Variants in CMTM4 observed in about 807,000 individuals in gnomAD.
The protein encoded by CMTM4 is CKLF like MARVEL transmembrane domain containing 4.
In CMTM4, 8 loss-of-function variants were observed where a neutral mutation model predicts 19.0. The observed-to-expected ratio is 0.42, with a 90% CI of 0.25 to 0.76. The LOEUF is 0.76. Among genes scored for constraint, CMTM4 ranks in the 30% least tolerant of loss-of-function variants. CMTM4 has a pLI of 0.27. For missense variants in CMTM4, 228 were observed against 290.2 expected (o/e 0.79, Z 1.56); for synonymous variants, 106 against 121.1 (o/e 0.88, Z 0.82).
chr16:66,683,190 T>C (rs1421840714), intron 1 of CMTM4, among the ~76,000 whole-genome samples: 28 of 95,948 alleles, frequency 2.9e-4, no homozygotes, highest in African/African-American at 7.1e-4. Flanking sequence ...TGTATATATA[T>C]ATACATATAT....
At chr16:66,694,657 G>T (rs1294600830) in intron 1 of CMTM4, among the ~76,000 whole-genome samples, 3 of 145,064 alleles carry the variant, frequency 2.1e-5, no homozygotes, top group Non-Finnish European at 3.0e-5. Flanking sequence ...AGGTGGCAGT[G>T]AGCCAAGATT....
intron 1 of CMTM4, among the ~76,000 whole-genome samples, chr16:66,677,360 G>A (rs1337735534): frequency 6.6e-6 from 1 of 152,264 alleles, no homozygotes; most frequent in Non-Finnish European, 1.5e-5. Context: ...CTGGCCCACT[G>A]ACTTCTGGGG....
chr16:66,677,802 A>G (rs2144895402), intron 1 of CMTM4, among the ~76,000 whole-genome samples: 1 of 152,168 alleles, frequency 6.6e-6, no homozygotes, highest in Admixed American at 6.5e-5. Flanking sequence ...ACTGGGTTCA[A>G]GTGATTCTCC....
Position 66,617,726 on chromosome 16 carries a change from G to C in CMTM4, c.*4332C>G. On this transcript the variant is annotated 3_prime_UTR_variant, in exon 4 of 4. Transcript: ENST00000394106. ...GCCAGGGAAGTTTACAAAGCTAAAAGCTGAGGGTGTCAGGCCTGCGTCCTG... is the reference window on the plus strand; with the variant it reads ...GCCAGGGAAGTTTACAAAGCTAAAACCTGAGGGTGTCAGGCCTGCGTCCTG... 9.6e-7 allele frequency: 1 copy of C among 1,038,026 alleles called. No individual in the cohort carries two copies. The highest frequency in any genetic ancestry group is 1.2e-6 in the Non-Finnish European group (1 of 862,850). 64.3% of individuals were successfully genotyped at this position (1,038,026 alleles called of 1,614,324 possible).
intron 1 of CMTM4, among the ~76,000 whole-genome samples, chr16:66,659,109 G>C (rs2016455258): frequency 6.6e-6 from 1 of 152,160 alleles, no homozygotes; most frequent in Non-Finnish European, 1.5e-5. Flanking sequence ...GCTGGGCGTG[G>C]TGGCTCACAC....
intron 1 of CMTM4, among the ~76,000 whole-genome samples, chr16:66,638,692 C>T (rs1312224522): frequency 6.6e-6 from 1 of 152,030 alleles, no homozygotes; most frequent in East Asian, 1.9e-4. Context: ...AACCCCGTCT[C>T]TACTAAAAAT....
the CMTM4 span, among the ~76,000 whole-genome samples, chr16:66,603,313 A>T: frequency 6.6e-6 from 1 of 151,534 alleles, no homozygotes; most frequent in South Asian, 2.1e-4. Flanking sequence ...TTTGAGACAG[A>T]GTCTTGCTCT....
In CMTM4 at chr16:66,653,042, C is replaced by A. The variant is rs2016339771; in HGVS notation, c.187-16461G>T. On this transcript the variant is annotated intron_variant, in intron 1 of 3. Transcript: ENST00000394106. Reference sequence around the variant, plus strand: ...TGCTGCCATTAGGATCTTCTTTTCCCCTTTACTTTCTCATGGTCCTAGCTT... The same window carrying A: ...TGCTGCCATTAGGATCTTCTTTTCCACTTTACTTTCTCATGGTCCTAGCTT... Among the ~76,000 whole-genome samples the A allele has an allele frequency of 2.0e-5, 3 of 152,144 alleles. No homozygotes were observed. The South Asian group carries it at 6.2e-4, about 31-fold the overall frequency.
At chr16:66,600,144 TTG>T in the CMTM4 span, among the ~76,000 whole-genome samples, 29 of 145,128 alleles carry the variant, frequency 2.0e-4, no homozygotes, top group African/African-American at 5.8e-4. Flanking sequence ...GTGTTTTTTT[TTG>T]TTTTTTTTTT....
At position 66,620,018 on chromosome 16, in the gene CMTM4, G is replaced by A. The variant is rs549529345; in HGVS notation, c.*2040C>T. On this transcript the variant is annotated 3_prime_UTR_variant, in exon 4 of 4. Coordinates refer to ENST00000394106, the MANE Select transcript of CMTM4 (RefSeq NM_181521.3). The stretch of plus-strand genomic sequence containing the variant: ...CCCTCTTTCACCAGATGATCAAGTG[G>A]TTTTACTGAAGTGAGCTGGGAAAAC... The A allele has an allele frequency of 2.0e-6, 2 of 985,396 alleles. No homozygotes were observed. Among genetic ancestry groups the A allele is most frequent in the South Asian group, 4.7e-5 (1 of 21,282 alleles). 61.0% of individuals were successfully genotyped at this position (985,396 alleles called of 1,614,324 possible).
chr16:66,630,915 G>A (rs1327688688), intron 2 of CMTM4, among the ~76,000 whole-genome samples: 5 of 150,032 alleles, frequency 3.3e-5, no homozygotes, highest in East Asian at 2.0e-4. Context: ...CCGCCGCCCC[G>A]TCTGGGATGT....
At chr16:66,656,650 T>G (rs1335775640) in intron 1 of CMTM4, among the ~76,000 whole-genome samples, 2 of 147,030 alleles carry the variant, frequency 1.4e-5, no homozygotes, top group South Asian at 4.3e-4. Flanking sequence ...ATTAACTACA[T>G]AGAAAAAAAA....
In CMTM4 at chr16:66,622,977, C is replaced by G. The variant is rs995422381; in HGVS notation, c.462+427G>C. Among the ~76,000 whole-genome samples the G allele has an allele frequency of 2.0e-5, 3 of 152,182 alleles. No homozygotes were observed. Among genetic ancestry groups the G allele is most frequent in the Admixed American group, 1.3e-4 (2 of 15,282 alleles). ...CCTACATTATCTGGTCCCCACCTGC[C>G]GTGGCATTTCCACCTTGAAATGTCA... On this transcript the variant is annotated intron_variant, in intron 3 of 3. Coordinates refer to ENST00000394106, the MANE Select transcript of CMTM4 (RefSeq NM_181521.3). The surrounding 1 kb of genome is among the most constrained non-coding windows in gnomAD (Gnocchi z 4.0).
chr16:66,604,491 T>C, the CMTM4 span: 2 of 230,782 alleles, frequency 8.7e-6, no homozygotes, highest in East Asian at 1.7e-4. Flanking sequence ...GGGTGGGAGC[T>C]CCGAAGGGGT....
chr16:66,639,585 A>G (rs1183098687), intron 1 of CMTM4, among the ~76,000 whole-genome samples: 2 of 152,008 alleles, frequency 1.3e-5, no homozygotes, highest in East Asian at 3.9e-4. Flanking sequence ...AAGTTTAGAC[A>G]CAGAGACCAG....
chr16:66,600,123 T>TAGGGGGG, the CMTM4 span, among the ~76,000 whole-genome samples: 1 of 145,636 alleles, frequency 6.9e-6, no homozygotes, highest in African/African-American at 2.6e-5. Flanking sequence ...TGTGTGTGTG[T>TAGGGGGG]GTGTGTGTGT....
In CMTM4 at chr16:66,616,222, G is replaced by A. The variant is rs747568806; in HGVS notation, c.*5836C>T. 1.3e-5 allele frequency: 2 copies of A among 151,996 alleles called. No homozygotes were observed. The highest frequency in any genetic ancestry group is 2.4e-5 in the African/African-American group (1 of 41,374). The allele number at this position is 151,996 out of a possible 1,614,324, so 9.4% of individuals were successfully genotyped here. On this transcript the variant is annotated 3_prime_UTR_variant, in exon 4 of 4. Coordinates refer to ENST00000394106, the MANE Select transcript of CMTM4 (RefSeq NM_181521.3). Reference sequence around the variant, plus strand: ...TGATTGACAAGAGTGCTTATGCGACGCATGGAAGGCACCAGAGGTGAAGTG... The same window carrying A: ...TGATTGACAAGAGTGCTTATGCGACACATGGAAGGCACCAGAGGTGAAGTG...
intron 1 of CMTM4, among the ~76,000 whole-genome samples, chr16:66,671,580 G>A (rs978508880): frequency 2.0e-5 from 3 of 152,088 alleles, no homozygotes; most frequent in African/African-American, 2.4e-5. Context: ...AACCTCCAAG[G>A]AAAGTGACTC....
chr16:66,631,369 G>A (rs867911270), intron 2 of CMTM4, among the ~76,000 whole-genome samples: 11 of 149,140 alleles, frequency 7.4e-5, no homozygotes, highest in Non-Finnish European at 1.0e-4. Context: ...GCCTCTGCCC[G>A]GCCGCCCCTA....
Sources: gnomAD v4.1 joint callset for allele counts (sites outside exome capture counted in the v4.1 genomes callset) on GRCh38, gnomAD v4.1.1 for gene constraint, Gnocchi (gnomAD v3.1) non-coding constraint, MANE v1.5 for transcripts, NCBI Gene and HGNC (gene_info 2026-07-23, HGNC 2026-07-21) for gene names.